Variants in NPHP1 observed in about 807,000 individuals in gnomAD.
NPHP1 encodes nephrocystin 1, also known as nephrocystin-1.
Under a neutral mutation model 90.4 loss-of-function variants are expected in NPHP1, and 70 were observed. The ratio of observed to expected loss-of-function variants is 0.77; its 90% CI spans 0.64 to 0.95. The LOEUF is 0.95. Ranked by LOEUF, NPHP1 falls within the 40% of genes least tolerant of loss-of-function variation. NPHP1 has a pLI of 0.00. For missense variants in NPHP1, 764 were observed against 795.9 expected (o/e 0.96, Z 0.48); for synonymous variants, 256 against 271.7 (o/e 0.94, Z 0.57).
intron 11 of NPHP1, among the ~76,000 whole-genome samples, chr2:110,155,961 T>C (rs1030265748): frequency 6.6e-6 from 1 of 152,058 alleles, no homozygotes; most frequent in African/African-American, 2.4e-5. Context: ...AGGAATGATA[T>C]GGTTTGGCTG....
chr2:110,188,934 G>A (rs769036427), intron 2 of NPHP1, among the ~76,000 whole-genome samples: 9 of 152,096 alleles, frequency 5.9e-5, no homozygotes, highest in Non-Finnish European at 8.8e-5. Context: ...TGGAAGAGCT[G>A]GCTAGCTATA....
chr2:110,164,835 T>A (rs891255073), intron 7 of NPHP1, 105 bp from the exon 8 acceptor site: 6 of 1,102,328 alleles, frequency 5.4e-6, no homozygotes, highest in Non-Finnish European at 8.4e-6. Flanking sequence ...GTTTTGAAAA[T>A]CTAACAGTTT....
At chr2:110,157,072 G>T (rs1034752260) in intron 11 of NPHP1, among the ~76,000 whole-genome samples, 10 of 152,090 alleles carry the variant, frequency 6.6e-5, no homozygotes, top group Non-Finnish European at 1.3e-4. Context: ...ACTGCGCCCA[G>T]CCCAATGCTT....
At chr2:110,204,786 G>C in intron 1 of NPHP1, 114 bp downstream of exon 1, 1 of 1,056,966 alleles carries the variant, frequency 9.5e-7, no homozygotes, top group South Asian at 1.3e-5. Flanking sequence ...GGGAAGGTAA[G>C]TAGGTTGGGG....
chr2:110,166,497 A>C (rs575187806), intron 6 of NPHP1, among the ~76,000 whole-genome samples: 110 of 152,330 alleles, frequency 7.2e-4, no homozygotes, highest in Non-Finnish European at 1.3e-3. Context: ...AAACCTTCTT[A>C]AAAAGGCAGC....
chr2:110,173,580 A>G (rs1027281632), intron 4 of NPHP1, among the ~76,000 whole-genome samples: 1 of 152,190 alleles, frequency 6.6e-6, no homozygotes, highest in African/African-American at 2.4e-5. Context: ...TAGATACACA[A>G]ATACACCATT....
intron 16 of NPHP1, among the ~76,000 whole-genome samples, chr2:110,137,021 A>G (rs889510710): frequency 1.3e-5 from 2 of 152,158 alleles, no homozygotes; most frequent in African/African-American, 2.4e-5. Flanking sequence ...ATAATGCCGC[A>G]TATCTACAAC....
In NPHP1 at chr2:110,123,918, AGGAAGTCAGT is replaced by A. The variant is rs1679162266; in HGVS notation, c.1897_1906del (p.Thr633LeufsTer37). On this transcript the variant is annotated frameshift_variant, in exon 20 of 20. Coordinates refer to ENST00000445609, the MANE Select transcript of NPHP1 (RefSeq NM_001128178.3). LOFTEE classifies it high-confidence loss of function. ...GCCCTGGTTTTCTTGGTTTTGCTTA[AGGAAGTCAGT>A]GATAACTTTCCACCGTGCAGTCTCA... 1 of 1,614,146 alleles carries A rather than the reference AGGAAGTCAGT, an allele frequency of 6.2e-7. No homozygotes were observed. Among genetic ancestry groups the A allele is most frequent in the Non-Finnish European group, 8.5e-7 (1 of 1,180,016 alleles).
intron 2 of NPHP1, among the ~76,000 whole-genome samples, chr2:110,193,739 T>C (rs977081188): frequency 6.6e-6 from 1 of 152,080 alleles, no homozygotes; most frequent in Admixed American, 6.5e-5. Context: ...TATTCCAAAA[T>C]TGACCACATA....
At chr2:110,165,647 T>C (rs1197066995) in intron 6 of NPHP1, among the ~76,000 whole-genome samples, 1 of 151,504 alleles carries the variant, frequency 6.6e-6, no homozygotes, top group African/African-American at 2.4e-5. Flanking sequence ...AAAGAAAATA[T>C]CTAACACATA....
At chr2:110,179,396 C>T (rs1683728550) in intron 3 of NPHP1, among the ~76,000 whole-genome samples, 1 of 152,124 alleles carries the variant, frequency 6.6e-6, no homozygotes, top group South Asian at 2.1e-4. Context: ...TCCTTAATAG[C>T]AGGTGAGTTC....
chr2:110,155,172 T>C (rs557723347), intron 11 of NPHP1, among the ~76,000 whole-genome samples: 1 of 152,230 alleles, frequency 6.6e-6, no homozygotes, highest in Admixed American at 6.5e-5. Flanking sequence ...AAGCCCAAAC[T>C]CTTGGCAGCT....
rs1682644583 is a variant in NPHP1 at position 110,165,239 on chromosome 2, C to G, written c.625-84G>C. Reference sequence around the variant, plus strand: ...AATACCAGTACTGCCACCTAACCCTCCAGTAAAAACAAAAACAAGCTTTTC... The same window carrying G: ...AATACCAGTACTGCCACCTAACCCTGCAGTAAAAACAAAAACAAGCTTTTC... On this transcript the variant is annotated intron_variant, in intron 6 of 19. Coordinates refer to ENST00000445609, the MANE Select transcript of NPHP1 (RefSeq NM_001128178.3). 8 of 1,017,878 alleles carry G rather than the reference C, an allele frequency of 7.9e-6. 1 individual carries two copies. Among genetic ancestry groups the G allele is most frequent in the Non-Finnish European group, 1.2e-5 (8 of 649,466 alleles). 63.1% of individuals were successfully genotyped at this position (1,017,878 alleles called of 1,614,324 possible). A position where few individuals can be genotyped will look rare whatever the true frequency, so the allele number is the denominator to read the frequency against.
intron 13 of NPHP1, among the ~76,000 whole-genome samples, chr2:110,147,303 C>T (rs1172588541): frequency 4.6e-5 from 7 of 151,920 alleles, no homozygotes; most frequent in Non-Finnish European, 1.0e-4. Context: ...CCAGTCCTAC[C>T]CCCTCCACAA....
intron 12 of NPHP1, among the ~76,000 whole-genome samples, chr2:110,149,817 A>G (rs1681332251): frequency 6.6e-6 from 1 of 152,178 alleles, no homozygotes; most frequent in Non-Finnish European, 1.5e-5. Context: ...GTGTGGGTGT[A>G]ATGTAGCAGT....
At position 110,131,732 on chromosome 2, in the gene NPHP1, C is replaced by T. The variant is rs534052463; in HGVS notation, c.1589G>A (p.Arg530Gln). 27 of 1,613,202 alleles carry T rather than the reference C, an allele frequency of 1.7e-5. No homozygotes were observed. The highest frequency in any genetic ancestry group is 1.3e-4 in the East Asian group (6 of 44,842). Residue 530 changes from arginine to glutamine, a missense_variant, in exon 17 of 20, where the codon CGA becomes CAA. Transcript: ENST00000445609. ...CAGGAGCACATCTCCAAGAATTTGT[C>T]GATAAAATATCAACAAGTGAATAGA... The part of the protein sequence containing the change: ...MCSIHLLIFY[R>Q]QILGDVLLKD...
At chr2:110,133,201 G>A (rs540868932) in intron 16 of NPHP1, among the ~76,000 whole-genome samples, 2 of 151,850 alleles carry the variant, frequency 1.3e-5, no homozygotes, top group African/African-American at 4.8e-5. Flanking sequence ...GGTAGAAAGT[G>A]AAAGAACAGA....
At chr2:110,199,580 G>A (rs1685423519) in intron 2 of NPHP1, among the ~76,000 whole-genome samples, 1 of 151,988 alleles carries the variant, frequency 6.6e-6, no homozygotes, top group Non-Finnish European at 1.5e-5. Context: ...CCATGATTGT[G>A]CCACTTCATT....
intron 4 of NPHP1, among the ~76,000 whole-genome samples, chr2:110,175,392 C>A (rs1683437978): frequency 6.6e-6 from 1 of 152,128 alleles, no homozygotes; most frequent in African/African-American, 2.4e-5. Context: ...TCTTATACTG[C>A]AGATCAGTTG....
Sources: gnomAD v4.1 joint callset for allele counts (sites outside exome capture counted in the v4.1 genomes callset) on GRCh38, gnomAD v4.1.1 for gene constraint, MANE v1.5 for transcripts, NCBI Gene and HGNC (gene_info 2026-07-23, HGNC 2026-07-21) for gene names.